Variants in HMCN2 observed in about 807,000 individuals in gnomAD.
HMCN2 encodes the protein hemicentin 2.
A neutral mutation model predicts 377.5 loss-of-function variants in HMCN2; 325 were observed. The ratio of observed to expected loss-of-function variants is 0.86; its 90% CI spans 0.79 to 0.94. HMCN2 has a LOEUF of 0.94. Ranked by LOEUF, HMCN2 falls within the 40% of genes least tolerant of loss-of-function variation. The pLI is 0.00. For synonymous variants in HMCN2, 2,007 were observed against 2,046.8 expected, an observed-to-expected ratio of 0.98 and a Z score of 0.53; for missense variants, 4,543 against 4,725.3, an observed-to-expected ratio of 0.96 and a Z score of 1.13.
At chr9:130,289,040 A>G (rs1554929044) in intron 4 of HMCN2, among the ~76,000 whole-genome samples, 1 of 152,180 alleles carries the variant, frequency 6.6e-6, no homozygotes, top group Admixed American at 6.5e-5. Flanking sequence ...AGCTCAACGC[A>G]CTGTCACTAG....
chr9:130,317,467 ATCTCTCTCTCTCTCTCTCTCTC>A (rs1177875902), intron 15 of HMCN2, among the ~76,000 whole-genome samples: 9 of 123,336 alleles, frequency 7.3e-5, no homozygotes, highest in Middle Eastern at 4.8e-3. Context: ...AGACCCCACC[ATCTCTCTCTCTCTCTCTCTCTC>A]TCTCTCTCTC....
At chr9:130,275,206 T>G (rs1348338431) in intron 1 of HMCN2, among the ~76,000 whole-genome samples, 1 of 152,218 alleles carries the variant, frequency 6.6e-6, no homozygotes, top group Non-Finnish European at 1.5e-5. Context: ...TGATCGTTGG[T>G]GACCTTCCAG....
intron 83 of HMCN2, among the ~76,000 whole-genome samples, chr9:130,408,311 T>C (rs1219882403): frequency 6.6e-6 from 1 of 152,216 alleles, no homozygotes; most frequent in Non-Finnish European, 1.5e-5. Context: ...ATGAATCTCA[T>C]AGCGTTGCTT....
At position 130,289,956 on chromosome 9, in the gene HMCN2, G is replaced by A. The variant is rs76522897; in HGVS notation, c.612+3646G>A. ...CCCTGCTTCCTCAGCCGCCCTGGCT[G>A]TCAAATGTTCTGGGAGGATCCTCGG... is the stretch of plus-strand genomic sequence containing the variant. On this transcript the variant is annotated intron_variant, in intron 4 of 97. Coordinates refer to ENST00000683500, the MANE Select transcript of HMCN2 (RefSeq NM_001291815.2). Among the ~76,000 whole-genome samples the A allele has an allele frequency of 7.4e-3, 1,132 of 152,330 alleles. 16 individuals carry two copies. Among genetic ancestry groups the A allele is most frequent in the African/African-American group, 0.026 (1,085 of 41,568 alleles).
intron 56 of HMCN2, 61 bp from the exon 57 acceptor site, chr9:130,383,443 G>T (rs984432180): frequency 1.4e-5 from 10 of 714,820 alleles, no homozygotes; most frequent in Non-Finnish European, 1.7e-5. Context: ...AGTCATTCCT[G>T]GGGGTGGTGG....
intron 2 of HMCN2, 78 bp from the exon 3 acceptor site, chr9:130,285,080 G>A (rs1331413499): frequency 2.3e-6 from 1 of 443,840 alleles, no homozygotes; most frequent in African/African-American, 2.0e-5. Context: ...CCTATGCCCA[G>A]TGGTTTTGGA....
At chr9:130,297,542 T>C (rs10988682) in intron 7 of HMCN2, among the ~76,000 whole-genome samples, 35,956 of 152,116 alleles carry the variant, frequency 0.24, 5,008 homozygotes, top group East Asian at 0.47. Flanking sequence ...TTGGAGACTT[T>C]TGCAGGGACC....
rs768133944 is a variant in HMCN2 at position 130,391,308 on chromosome 9, G to T, written c.9772G>T (p.Val3258Leu). The T allele has an allele frequency of 1.4e-5, 14 of 987,564 alleles. No individual in the cohort carries two copies. The highest frequency in any genetic ancestry group is 1.7e-5 in the African/African-American group (1 of 57,320). The allele number at this position is 987,564 out of a possible 1,614,324, so 61.2% of individuals were successfully genotyped here. ...GGCCGATGGGCAGCCGCCGCCGGACGTGGCCTGGCTGAAGGACGGCAGCCC... is the reference window on the plus strand; with the variant it reads ...GGCCGATGGGCAGCCGCCGCCGGACTTGGCCTGGCTGAAGGACGGCAGCCC... Reference protein sequence around the residue: ...CEADGQPPPDVAWLKDGSPLG... With the variant: ...CEADGQPPPDLAWLKDGSPLG... Residue 3258 changes from valine (V) to leucine (L), a missense_variant, in exon 64 of 98, where the codon GTG becomes TTG. This residue lies in a region of HMCN2 where 1,073 missense variants were observed against 1,319.5 expected (regional missense o/e 0.81). Transcript: ENST00000683500.
At position 130,356,133 on chromosome 9, in the gene HMCN2, G is replaced by C; in HGVS notation, c.5301G>C (p.Gln1767His). 3 of 1,300,888 alleles carry C rather than the reference G, an allele frequency of 2.3e-6. No individual in the cohort carries two copies. Among genetic ancestry groups the C allele is most frequent in the Non-Finnish European group, 2.0e-6 (2 of 988,456 alleles). 80.6% of individuals were successfully genotyped at this position (1,300,888 alleles called of 1,614,324 possible). Residue 1767 changes from glutamine to histidine, a missense_variant, in exon 34 of 98, where the codon CAG (glutamine) becomes CAC (histidine). By Grantham distance (24) the Gln-to-His change is conservative. Coordinates refer to ENST00000683500, the MANE Select transcript of HMCN2 (RefSeq NM_001291815.2). ...CAGCCGAGGAGCTGGCTGGGGTGCA[G>C]GTGGCCTCGCAGGGGACCACACTGC... ...GRPAEELAGV[Q>H]VASQGTTLHI...
chr9:130,370,587 C>T (rs1760381049), intron 45 of HMCN2, among the ~76,000 whole-genome samples: 1 of 152,244 alleles, frequency 6.6e-6, no homozygotes, highest in Non-Finnish European at 1.5e-5. Flanking sequence ...TGCCACTTAG[C>T]TTCCACACGT....
In HMCN2 at chr9:130,277,976, TCACCACCACCACGATCATCAC is replaced by T. The variant is rs1834854049; in HGVS notation, c.260-6615_260-6595del. Among the ~76,000 whole-genome samples, 3 of 82,062 alleles carry T rather than the reference TCACCACCACCACGATCATCAC, an allele frequency of 3.7e-5. 1 individual carries two copies. Among genetic ancestry groups the T allele is most frequent in the Non-Finnish European group, 7.1e-5 (3 of 42,170 alleles). 53.8% of individuals were successfully genotyped at this position (82,062 alleles called of 152,430 possible). A position where few individuals can be genotyped will look rare whatever the true frequency, so the allele number is the denominator to read the frequency against. On this transcript the variant is annotated intron_variant, in intron 1 of 97. Transcript: ENST00000683500. ...ATCACCACCACCACCACCATCATCA[TCACCACCACCACGATCATCAC>T]CACCACCACCATCATCATCACCACC... is the stretch of plus-strand genomic sequence containing the variant.
At chr9:130,421,222 A>G (rs1293397345) in intron 86 of HMCN2, among the ~76,000 whole-genome samples, 26 of 152,088 alleles carry the variant, frequency 1.7e-4, no homozygotes, top group Admixed American at 1.6e-3. Flanking sequence ...ATTCCATGGG[A>G]ACGTTTTTTA....
intron 6 of HMCN2, 63 bp downstream of exon 6, chr9:130,295,835 C>G (rs548684456): frequency 2.2e-6 from 1 of 453,444 alleles, no homozygotes; most frequent in East Asian, 7.0e-5. Context: ...CCATCTTCCT[C>G]CTACTTGCCC....
intron 22 of HMCN2, among the ~76,000 whole-genome samples, chr9:130,331,582 C>T (rs953890638): frequency 9.2e-5 from 14 of 152,016 alleles, no homozygotes; most frequent in East Asian, 1.9e-4. Context: ...CCAGCTCGCC[C>T]GGTGACCTCA....
In HMCN2 at chr9:130,360,481, G is replaced by T; in HGVS notation, c.5827G>T (p.Val1943Leu). 5 of 1,304,066 alleles carry T rather than the reference G, an allele frequency of 3.8e-6. No individual in the cohort carries two copies. Among genetic ancestry groups the T allele is most frequent in the Non-Finnish European group, 5.1e-6 (5 of 988,888 alleles). The allele number at this position is 1,304,066 out of a possible 1,614,324, so 80.8% of individuals were successfully genotyped here. A position where few individuals can be genotyped will look rare whatever the true frequency, so the allele number is the denominator to read the frequency against. Residue 1943 changes from valine (V) to leucine (L), a missense_variant, in exon 38 of 98, where the codon GTA (valine) becomes TTA (leucine). Coordinates refer to ENST00000683500, the MANE Select transcript of HMCN2 (RefSeq NM_001291815.2). This position sits in a 1 kb window ranked among gnomAD's most constrained non-coding sequence, Gnocchi z 4.7. ...QPVSSWMGVT[V>L]SVDGRVLRIE... Reference sequence around the variant, plus strand: ...TGTCTCTTCATGGATGGGAGTGACAGTATCAGTGGATGGGAGAGTTCTCCG... The same window carrying T: ...TGTCTCTTCATGGATGGGAGTGACATTATCAGTGGATGGGAGAGTTCTCCG...
intron 76 of HMCN2, among the ~76,000 whole-genome samples, chr9:130,399,893 A>AC (rs1040154359): frequency 2.6e-5 from 4 of 151,536 alleles, no homozygotes; most frequent in African/African-American, 9.7e-5. Flanking sequence ...CCTTGTCATC[A>AC]CCCCCGTTAA....
chr9:130,433,438 C>T lies in HMCN2; in HGVS notation c.14985C>T (p.Arg4995=). The T allele has an allele frequency of 1.3e-6, 2 of 1,495,908 alleles. No homozygotes were observed. The highest frequency in any genetic ancestry group is 1.8e-6 in the Non-Finnish European group (2 of 1,130,838). The allele number at this position is 1,495,908 out of a possible 1,614,324, so 92.7% of individuals were successfully genotyped here. ...TGCTGCCGCTGCCCCTGGGCGTGCG[C>T]GCCCACCACGACGTGGCCCGCCTCA... ...YRLLPLPLGV[R]AHHDVARLTA... is the part of the protein sequence containing the mutation. The change falls in exon 98 of 98, where the codon CGC becomes CGT. Residue 4995 remains arginine (R), a synonymous_variant. Transcript: ENST00000683500.
intron 22 of HMCN2, among the ~76,000 whole-genome samples, chr9:130,331,007 A>ACACACAC (rs1838396280): frequency 2.0e-5 from 3 of 150,790 alleles, no homozygotes; most frequent in Non-Finnish European, 3.0e-5. Flanking sequence ...ACACACACAC[A>ACACACAC]AATAGCCGGA....
chr9:130,345,090 T>TGTATATGTTGTATGTGGTGTGTATGTG (rs1839295652), intron 25 of HMCN2, among the ~76,000 whole-genome samples: 1 of 149,202 alleles, frequency 6.7e-6, no homozygotes. Flanking sequence ...TAGTGCATGG[T>TGTATATGTTGTATGTGGTGTGTATGTG]GTGTATGTGG....
Sources: gnomAD v4.1 joint callset for allele counts (sites outside exome capture counted in the v4.1 genomes callset) on GRCh38, gnomAD v4.1.1 for gene constraint, gnomAD v4.1.1 regional missense constraint, Gnocchi (gnomAD v3.1) non-coding constraint, MANE v1.5 for transcripts, NCBI Gene and HGNC (gene_info 2026-07-23, HGNC 2026-07-21) for gene names.